Variants in SLC4A1 observed in about 807,000 individuals in gnomAD.
SLC4A1 encodes solute carrier family 4 member 1 (Diego blood group), also known as band 3 anion transport protein.
Under a neutral mutation model 93.1 loss-of-function variants are expected in SLC4A1, and 29 were observed. That is an observed-to-expected ratio of 0.31 (90% CI 0.23 to 0.42). SLC4A1 has a LOEUF of 0.42. Among genes scored for constraint, SLC4A1 ranks in the 20% least tolerant of loss-of-function variants. The pLI is 1.00. For missense variants in SLC4A1, 965 were observed against 1,190.1 expected, an observed-to-expected ratio of 0.81 and a Z score of 2.78; for synonymous variants, 469 against 497.2, an observed-to-expected ratio of 0.94 and a Z score of 0.76.
intron 17 of SLC4A1, 80 bp from the exon 18 acceptor site, chr17:44,251,668 G>C (rs1292253316): frequency 1.5e-6 from 2 of 1,331,830 alleles, no homozygotes; most frequent in Non-Finnish European, 2.1e-6. Context: ...ATCTGGGGCT[G>C]GGAATAAAAC....
chr17:44,260,939 T>A, intron 4 of SLC4A1, 124 bp from the exon 5 acceptor site: 2 of 1,078,852 alleles, frequency 1.9e-6, no homozygotes, highest in South Asian at 1.3e-5. Context: ...GGTCCGTAGA[T>A]ACGGCTCACA....
At chr17:44,257,282 G>T in intron 13 of SLC4A1, 68 bp downstream of exon 13, 4 of 1,503,424 alleles carry the variant, frequency 2.7e-6, no homozygotes, top group Non-Finnish European at 3.7e-6. Flanking sequence ...CTGAGCCCTC[G>T]CACCCGGCCA....
At position 44,260,231 on chromosome 17, in the gene SLC4A1, T is replaced by C. The variant is rs1203345404; in HGVS notation, c.485+173A>G. On this transcript the variant is annotated intron_variant, in intron 6 of 19. Transcript: ENST00000262418. ...GACCAACAGCCCCCAACTCTGAGCA[T>C]AGGACATGGCCACCCCTTTCAAGGT... is the stretch of plus-strand genomic sequence containing the variant. 3.3e-5 allele frequency among the ~76,000 whole-genome samples: 5 copies of C among 152,278 alleles called. No homozygotes were observed. In the South Asian group the frequency reaches 1.0e-3, roughly 32 times the overall value.
chr17:44,261,679 AC>A (rs1234050291), intron 3 of SLC4A1, 43 bp from the exon 4 acceptor site: 4 of 1,612,420 alleles, frequency 2.5e-6, no homozygotes, highest in Non-Finnish European at 3.4e-6. Context: ...ACCGTCCCCC[AC>A]CTGAGGCTCT....
rs867700459 is a variant in SLC4A1, at chr17:44,257,497, G to A, written c.1479C>T (p.Ile493=). The part of the protein sequence containing the change: ...GLEYIVGRVW[I]GFWLILLVVL... ...CCACCAGCAGGATGAGCCAGAAGCC[G>A]ATCCACACGCGGCCCACGATGTACT... The change falls in exon 13 of 20, where the codon ATC becomes ATT. Residue 493 remains isoleucine, a synonymous_variant. Transcript: ENST00000262418. 1.9e-6 allele frequency: 3 copies of A among 1,614,054 alleles called. No homozygotes were observed. The highest frequency in any genetic ancestry group is 1.7e-5 in the Admixed American group (1 of 60,016).
rs1270521728 is a variant in SLC4A1, at chr17:44,260,457, C to A, written c.432G>T (p.Gln144His). 3.7e-6 allele frequency: 6 copies of A among 1,614,002 alleles called. No homozygotes were observed. Among genetic ancestry groups the A allele is most frequent in the Non-Finnish European group, 5.1e-6 (6 of 1,180,002 alleles). Residue 144 changes from glutamine to histidine, a missense_variant, in exon 6 of 20, where the codon CAG becomes CAT. By Grantham distance (24) the Gln-to-His change is conservative. This residue lies in a region of SLC4A1 where 195 missense variants were observed against 183.5 expected (regional missense o/e 1.06). Coordinates refer to ENST00000262418, the MANE Select transcript of SLC4A1 (RefSeq NM_000342.4). Reference protein sequence around the residue: ...QLLDRFIFEDQIRPQDREELL... With the variant: ...QLLDRFIFEDHIRPQDREELL... The stretch of plus-strand genomic sequence containing the variant: ...GCTCCTCTCGGTCCTGAGGCCGGAT[C>A]TGGTCTTCAAAGATAAACCTGTCTA...
Position 44,259,485 on chromosome 17 carries a change from G to A in SLC4A1, c.694+12C>T, listed in dbSNP as rs754080660. The A allele has an allele frequency of 8.7e-6, 14 of 1,609,538 alleles. No homozygotes were observed. Among genetic ancestry groups the A allele is most frequent in the Non-Finnish European group, 1.2e-5 (14 of 1,175,784 alleles). ...GGTGTGGAGGGCTGAGGGTAGAGAT[G>A]CCTGTTCTTACCCACTAGCACCAAC... On this transcript the variant is annotated intron_variant, in intron 8 of 19. Coordinates refer to ENST00000262418, the MANE Select transcript of SLC4A1 (RefSeq NM_000342.4).
Position 44,249,161 on chromosome 17 carries a change from C to G in SLC4A1, c.*1297G>C. On this transcript the variant is annotated 3_prime_UTR_variant, in exon 20 of 20. Coordinates refer to ENST00000262418, the MANE Select transcript of SLC4A1 (RefSeq NM_000342.4). ...ACAAACGTGAGCCACTGCGCCCAGC[C>G]ACCTCCTCTCTTTTCTACCACTTCC... The G allele has an allele frequency of 4.4e-6, 2 of 454,800 alleles. No homozygotes were observed. Among genetic ancestry groups the G allele is most frequent in the South Asian group, 3.1e-5 (2 of 64,436 alleles). The allele number at this position is 454,800 out of a possible 1,614,324, so 28.2% of individuals were successfully genotyped here.
chr17:44,253,396 A>G, intron 16 of SLC4A1, 25 bp from the exon 17 acceptor site: 1 of 1,601,746 alleles, frequency 6.2e-7, no homozygotes, highest in African/African-American at 1.3e-5. Context: ...GGTGAGGGGT[A>G]AGCAGGGTTC....
chr17:44,255,409 A>T (rs752772027), intron 14 of SLC4A1, 113 bp from the exon 15 acceptor site: 65 of 823,104 alleles, frequency 7.9e-5, no homozygotes, highest in Non-Finnish European at 1.2e-4. Flanking sequence ...ATCCATCAGC[A>T]TCTAATGCCC....
In SLC4A1 at chr17:44,257,389, G is replaced by A; in HGVS notation, c.1587C>T (p.Ser529=). 1 of 1,614,036 alleles carries A rather than the reference G, an allele frequency of 6.2e-7. No homozygotes were observed. The highest frequency in any genetic ancestry group is 8.5e-7 in the Non-Finnish European group (1 of 1,180,022). Residue 529 remains serine (S), a synonymous_variant, in exon 13 of 20, where the codon TCC becomes TCT. Coordinates refer to ENST00000262418, the MANE Select transcript of SLC4A1 (RefSeq NM_000342.4). ...YTQEIFSFLI[S]LIFIYETFSK... ...AGAAAGTCTCATAGATGAAGATGAG[G>A]GAAATGAGGAAGGAGAAGATCTCCT...
At position 44,260,812 on chromosome 17, in the gene SLC4A1, A is replaced by T; in HGVS notation, c.172T>A (p.Tyr58Asn). The change falls in exon 5 of 20, where the codon TAT (tyrosine) becomes AAT (asparagine). Residue 58 changes from tyrosine to asparagine, a missense_variant. By Grantham distance (143) the Tyr-to-Asn change is moderately radical. Coordinates refer to ENST00000262418, the MANE Select transcript of SLC4A1 (RefSeq NM_000342.4). ...TTSHPGTHKV[Y>N]VELQELVMDE... is the part of the protein sequence containing the mutation. Reference sequence around the variant, plus strand: ...ATCACCAGCTCCTGCAGCTCCACATAGACCTGTGGCCCCATGCGCCTGAGT... The same window carrying T: ...ATCACCAGCTCCTGCAGCTCCACATTGACCTGTGGCCCCATGCGCCTGAGT... 6.2e-7 allele frequency: 1 copy of T among 1,611,708 alleles called. No individual in the cohort carries two copies. The highest frequency in any genetic ancestry group is 8.5e-7 in the Non-Finnish European group (1 of 1,180,024).
rs776466070 is a variant in SLC4A1, at chr17:44,260,384, G to A, written c.485+20C>T. On this transcript the variant is annotated intron_variant, in intron 6 of 19. Transcript: ENST00000262418. ...TGGGCCCACTGGATATGGAATCCAG[G>A]CCCTGGCAGGCAGGGGCACCTGTGT... 10 of 1,606,892 alleles carry A rather than the reference G, an allele frequency of 6.2e-6. No individual in the cohort carries two copies. The South Asian group carries it at 6.7e-5, about 11-fold the overall frequency.
rs145978062 is a variant in SLC4A1 at position 44,255,781 on chromosome 17, C to T, written c.1692G>A (p.Gln564=). ...GGAGGGCTGTGTTGGGCAGGGGGCC[C>T]TGAGGTTTGGGCACCATCAACACGT... ...NYNVLMVPKP[Q]GPLPNTALLS... The change falls in exon 14 of 20, where the codon CAG becomes CAA. Residue 564 remains glutamine (Q), a synonymous_variant. Coordinates refer to ENST00000262418, the MANE Select transcript of SLC4A1 (RefSeq NM_000342.4). 8.5e-5 allele frequency: 137 copies of T among 1,614,038 alleles called. No homozygotes were observed. The African/African-American group carries it at 1.8e-3, about 21-fold the overall frequency.
At position 44,251,226 on chromosome 17, in the gene SLC4A1, A is replaced by G. The variant is rs768776105; in HGVS notation, c.2588T>C (p.Leu863Pro). The G allele has an allele frequency of 1.9e-6, 3 of 1,614,094 alleles. No homozygotes were observed. In the South Asian group the frequency reaches 3.3e-5, roughly 18 times the overall value. ...GCGCCGCAGCGGCACAGTGAGGATG[A>G]GGACGAAGGGCAGGGCCAGGGAGGC... Reference protein sequence around the residue: ...TPASLALPFVLILTVPLRRVL... With the variant: ...TPASLALPFVPILTVPLRRVL... Residue 863 changes from leucine to proline, a missense_variant, in exon 19 of 20, where the codon CTC becomes CCC. Transcript: ENST00000262418.
chr17:44,259,743 T>C, intron 7 of SLC4A1, 66 bp downstream of exon 7: 1 of 1,611,240 alleles, frequency 6.2e-7, no homozygotes, highest in Non-Finnish European at 8.5e-7. Flanking sequence ...GGACCCCTGC[T>C]GGCGTTTGAG....
intron 8 of SLC4A1, 62 bp from the exon 9 acceptor site, chr17:44,259,406 T>A: frequency 2.5e-6 from 4 of 1,608,128 alleles, no homozygotes. Context: ...GCTGAAGAGA[T>A]GGGGCTGCGG....
At chr17:44,255,148 G>A in intron 15 of SLC4A1, 59 bp downstream of exon 15, 2 of 1,173,368 alleles carry the variant, frequency 1.7e-6, no homozygotes, top group African/African-American at 1.5e-5. Context: ...GGGCATGCTG[G>A]GGGGTGGAAA....
chr17:44,253,437 C>T, intron 16 of SLC4A1, 66 bp from the exon 17 acceptor site: 1 of 1,561,578 alleles, frequency 6.4e-7, no homozygotes, highest in Non-Finnish European at 8.7e-7. Context: ...CTCCTTCCTT[C>T]TCCATACTTG....
Sources: allele counts gnomAD v4.1 joint callset (sites outside exome capture counted in the v4.1 genomes callset), GRCh38; gene constraint gnomAD v4.1.1; regional missense constraint gnomAD v4.1.1; transcripts MANE v1.5; gene names NCBI Gene and HGNC (gene_info 2026-07-23, HGNC 2026-07-21).